The following ZNF26 variants were observed in gnomAD, a reference collection of about 807,000 sequenced individuals.
ZNF26 encodes the protein epididymis luminal protein 179.
A neutral mutation model predicts 54.9 loss-of-function variants in ZNF26; 32 were observed. The ratio of observed to expected loss-of-function variants is 0.58; its 90% CI spans 0.44 to 0.78. The LOEUF (loss-of-function observed/expected upper bound fraction) is 0.78. ZNF26 is among the 30% of genes least tolerant of loss of function. The probability of loss-of-function intolerance (pLI) is 0.00; values close to 1 mark genes in which losing one functional copy is unlikely to be tolerated. For synonymous variants in ZNF26, 221 were observed against 209.2 expected (o/e 1.06, Z -0.49); for missense variants, 524 against 634.0 (o/e 0.83, Z 1.86).
rs1358384888 is a variant in ZNF26, at chr12:133,018,941, T to G, written c.*7460T>G. ...GATTAAACTATCAAAAGACACAGAT[T>G]GTCAAAGTGGTGATAAAAAAAAATC... is the stretch of plus-strand genomic sequence containing the variant. On this transcript the variant is annotated 3_prime_UTR_variant, in exon 4 of 4. Transcript: ENST00000328654. 1 of 152,014 alleles carries G rather than the reference T, an allele frequency of 6.6e-6. No homozygotes were observed. The highest frequency in any genetic ancestry group is 1.5e-5 in the Non-Finnish European group (1 of 68,002). The allele number at this position is 152,014 out of a possible 1,614,324, so 9.4% of individuals were successfully genotyped here.
chr12:133,010,624 C>T lies in ZNF26; in HGVS notation c.745C>T (p.Gln249Ter). The T allele has an allele frequency of 1.2e-6, 2 of 1,614,190 alleles. No homozygotes were observed. The highest frequency in any genetic ancestry group is 1.7e-6 in the Non-Finnish European group (2 of 1,180,032). Reference protein sequence around the residue: ...FSFRSQLIVHQEIHTGGKPYG... With the variant: ...FSFRSQLIVH Reference sequence around the variant, plus strand: ...TTTCAGGTCACAGCTCATTGTCCATCAGGAAATTCACACAGGAGGGAAACC... The same window carrying T: ...TTTCAGGTCACAGCTCATTGTCCATTAGGAAATTCACACAGGAGGGAAACC... The change falls in exon 4 of 4, where the codon CAG (glutamine) becomes TAG (stop). Residue 249 changes from glutamine (Q) to a stop codon, truncating the protein, a stop_gained. Coordinates refer to ENST00000328654, the MANE Select transcript of ZNF26 (RefSeq NM_019591.4). LOFTEE classifies it high-confidence loss of function.
intron 3 of ZNF26, among the ~76,000 whole-genome samples, chr12:133,008,364 C>T (rs1953381143): frequency 1.3e-5 from 2 of 152,188 alleles, no homozygotes; most frequent in African/African-American, 4.8e-5. Flanking sequence ...GTTGACTCCT[C>T]CCCTTCTCTG....
Position 133,015,918 on chromosome 12 carries a change from GTGAC to G in ZNF26, c.*4439_*4442del, listed in dbSNP as rs1347619597. 3 of 152,072 alleles carry G rather than the reference GTGAC, an allele frequency of 2.0e-5. No individual in the cohort carries two copies. Among genetic ancestry groups the G allele is most frequent in the Admixed American group, 6.6e-5 (1 of 15,264 alleles). The allele number at this position is 152,072 out of a possible 1,614,324, so 9.4% of individuals were successfully genotyped here. On this transcript the variant is annotated 3_prime_UTR_variant, in exon 4 of 4. Coordinates refer to ENST00000328654, the MANE Select transcript of ZNF26 (RefSeq NM_019591.4). Reference sequence around the variant, plus strand: ...GCATGTTTATTGATGGAATGTTTGTGTGACTCTTTAATAGAAGTCTGAACTAGGT... The same window carrying G: ...GCATGTTTATTGATGGAATGTTTGTGTCTTTAATAGAAGTCTGAACTAGGT...
chr12:133,001,677 G>A lies in ZNF26; in HGVS notation c.34-5365G>A. On this transcript the variant is annotated intron_variant, in intron 1 of 3. Transcript: ENST00000328654. The surrounding 1 kb of genome is among the most constrained non-coding windows in gnomAD (Gnocchi z 4.7). ...GCCTGCTAATGAGCTCAAGTGTCAAGTTCGGGAATCTTCTGGGTGTTCCTT... is the reference window on the plus strand; with the variant it reads ...GCCTGCTAATGAGCTCAAGTGTCAAATTCGGGAATCTTCTGGGTGTTCCTT... 7.8e-7 allele frequency: 1 copy of A among 1,289,154 alleles called. No homozygotes were observed. The highest frequency in any genetic ancestry group is 2.3e-5 in the Admixed American group (1 of 43,548). The allele number at this position is 1,289,154 out of a possible 1,614,324, so 79.9% of individuals were successfully genotyped here. A position where few individuals can be genotyped will look rare whatever the true frequency, so the allele number is the denominator to read the frequency against.
intron 1 of ZNF26, among the ~76,000 whole-genome samples, chr12:132,987,080 C>T (rs1376359810): frequency 6.6e-6 from 1 of 152,158 alleles, no homozygotes; most frequent in Non-Finnish European, 1.5e-5. Context: ...TATTCTGTGA[C>T]GGGCAGTTAT....
chr12:132,995,395 T>G (rs1338324766), intron 1 of ZNF26: 36 of 151,254 alleles, frequency 2.4e-4, no homozygotes, highest in African/African-American at 8.5e-4. Context: ...TCTCCTTGTT[T>G]TTTTTTTTTT....
chr12:133,020,301 G>GAAAGCTA lies in ZNF26; in HGVS notation c.*8824_*8830dup, dbSNP rs1953622857. The GAAAGCTA allele has an allele frequency of 6.6e-6, 1 of 151,970 alleles. No individual in the cohort carries two copies. The highest frequency in any genetic ancestry group is 1.5e-5 in the Non-Finnish European group (1 of 68,020). 9.4% of individuals were successfully genotyped at this position (151,970 alleles called of 1,614,324 possible). On this transcript the variant is annotated 3_prime_UTR_variant, in exon 4 of 4. Transcript: ENST00000328654. ...ATATTGCATGTTCTCACTCATATTT[G>GAAAGCTA]AAAGCTAAAAAAGTAGACCTCATGA...
Position 133,016,386 on chromosome 12 carries a change from T to G in ZNF26, c.*4905T>G, listed in dbSNP as rs1452916543. The G allele has an allele frequency of 6.8e-6, 1 of 147,290 alleles. No individual in the cohort carries two copies. Among genetic ancestry groups the G allele is most frequent in the Non-Finnish European group, 1.5e-5 (1 of 67,444 alleles). The allele number at this position is 147,290 out of a possible 1,614,324, so 9.1% of individuals were successfully genotyped here. A position where few individuals can be genotyped will look rare whatever the true frequency, so the allele number is the denominator to read the frequency against. ...TCGTACCCGGCCAGAGCATCCTTAATTTTTAAAAACAATTTAGCTACTTTT... is the reference window on the plus strand; with the variant it reads ...TCGTACCCGGCCAGAGCATCCTTAAGTTTTAAAAACAATTTAGCTACTTTT... On this transcript the variant is annotated 3_prime_UTR_variant, in exon 4 of 4. Transcript: ENST00000328654.
chr12:132,999,030 A>G (rs1953152276), intron 1 of ZNF26, among the ~76,000 whole-genome samples: 1 of 152,162 alleles, frequency 6.6e-6, no homozygotes, highest in South Asian at 2.1e-4. Context: ...CAGTCTTCCA[A>G]ACAGGATGTC....
rs1953506452 is a variant in ZNF26, at chr12:133,012,609, T to TTTTTTG, written c.*1128_*1129insTTTTTG. 1 of 142,286 alleles carries TTTTTTG rather than the reference T, an allele frequency of 7.0e-6. No individual in the cohort carries two copies. The highest frequency in any genetic ancestry group is 1.5e-5 in the Non-Finnish European group (1 of 65,950). 8.8% of individuals were successfully genotyped at this position (142,286 alleles called of 1,614,324 possible). A position where few individuals can be genotyped will look rare whatever the true frequency, so the allele number is the denominator to read the frequency against. Reference sequence around the variant, plus strand: ...TTTTTTTTTTTTTTTTTTTTTTTTTTGAGACTAAGTTTCACTCTTGTCCTC... The same window carrying TTTTTTG: ...TTTTTTTTTTTTTTTTTTTTTTTTTTTTTTTGGAGACTAAGTTTCACTCTTGTCCTC... On this transcript the variant is annotated 3_prime_UTR_variant, in exon 4 of 4. Coordinates refer to ENST00000328654, the MANE Select transcript of ZNF26 (RefSeq NM_019591.4).
Position 133,001,831 on chromosome 12 carries a change from T to G in ZNF26, c.34-5211T>G, listed in dbSNP as rs904934319. 8.7e-5 allele frequency: 47 copies of G among 540,374 alleles called. No individual in the cohort carries two copies. Among genetic ancestry groups the G allele is most frequent in the Non-Finnish European group, 1.4e-4 (44 of 325,092 alleles). 33.5% of individuals were successfully genotyped at this position (540,374 alleles called of 1,614,324 possible). The stretch of plus-strand genomic sequence containing the variant: ...CCCGCGGCAGTCTTTGCCTTCAGAA[T>G]TTTTCAGAGGAAAGCAGTTATTCGA... On this transcript the variant is annotated intron_variant, in intron 1 of 3. Coordinates refer to ENST00000328654, the MANE Select transcript of ZNF26 (RefSeq NM_019591.4). The surrounding 1 kb of genome is among the most constrained non-coding windows in gnomAD (Gnocchi z 4.7).
In ZNF26 at chr12:133,007,003, G is replaced by A. The variant is rs1953346700; in HGVS notation, c.34-39G>A. 4 of 1,611,488 alleles carry A rather than the reference G, an allele frequency of 2.5e-6. No individual in the cohort carries two copies. In the Admixed American group the frequency reaches 5.0e-5, roughly 20 times the overall value. ...CTGCATCTTTTCCATGTCACCTAATGTAATTGCATCCAATTGAACAGGGTG... is the reference window on the plus strand; with the variant it reads ...CTGCATCTTTTCCATGTCACCTAATATAATTGCATCCAATTGAACAGGGTG... On this transcript the variant is annotated intron_variant, in intron 1 of 3. Transcript: ENST00000328654.
chr12:133,016,638 C>G lies in ZNF26; in HGVS notation c.*5157C>G, dbSNP rs781215461. The G allele has an allele frequency of 4.0e-5, 6 of 151,340 alleles. No homozygotes were observed. The highest frequency in any genetic ancestry group is 2.0e-4 in the Admixed American group (3 of 15,164). 9.4% of individuals were successfully genotyped at this position (151,340 alleles called of 1,614,324 possible). On this transcript the variant is annotated 3_prime_UTR_variant, in exon 4 of 4. Coordinates refer to ENST00000328654, the MANE Select transcript of ZNF26 (RefSeq NM_019591.4). ...CATCTCTGAAAAAAAAAAAATACCC[C>G]GGGATGGTGGCTTAGGGCTGTGGTC...
chr12:132,990,491 A>G (rs898601865), intron 1 of ZNF26, among the ~76,000 whole-genome samples: 9 of 152,086 alleles, frequency 5.9e-5, no homozygotes, highest in Admixed American at 1.3e-4. Context: ...TATTTATGAG[A>G]TAATTTTTCT....
Position 133,011,517 on chromosome 12 carries a change from C to G in ZNF26, c.*36C>G. The G allele has an allele frequency of 6.6e-7, 1 of 1,510,618 alleles. No individual in the cohort carries two copies. Among genetic ancestry groups the G allele is most frequent in the Non-Finnish European group, 8.8e-7 (1 of 1,132,882 alleles). The allele number at this position is 1,510,618 out of a possible 1,614,324, so 93.6% of individuals were successfully genotyped here. A position where few individuals can be genotyped will look rare whatever the true frequency, so the allele number is the denominator to read the frequency against. On this transcript the variant is annotated 3_prime_UTR_variant, in exon 4 of 4. Transcript: ENST00000328654. The stretch of plus-strand genomic sequence containing the variant: ...TGATGCAATGTGAGAAACTGATGTT[C>G]AGGAGACTTCGGATAATATAGACAG...
At chr12:132,994,613 T>G (rs1322714679) in intron 1 of ZNF26, among the ~76,000 whole-genome samples, 1 of 152,230 alleles carries the variant, frequency 6.6e-6, no homozygotes, top group Non-Finnish European at 1.5e-5. Context: ...TGTGTTGGCT[T>G]ATTTTTGTGA....
chr12:133,016,432 TTAAGAGCATCACAGTAAAA>T lies in ZNF26; in HGVS notation c.*4952_*4970del, dbSNP rs1593677136. Reference sequence around the variant, plus strand: ...CTTTTTTTTTTTTTTTTTAACTATTTTAAGAGCATCACAGTAAAAGGAAAATAACAGCTCACTTTGGGGC... The same window carrying T: ...CTTTTTTTTTTTTTTTTTAACTATTTGGAAAATAACAGCTCACTTTGGGGC... On this transcript the variant is annotated 3_prime_UTR_variant, in exon 4 of 4. Transcript: ENST00000328654. 1.3e-5 allele frequency: 2 copies of T among 150,656 alleles called. No homozygotes were observed. The highest frequency in any genetic ancestry group is 3.9e-4 in the East Asian group (2 of 5,182). 9.3% of individuals were successfully genotyped at this position (150,656 alleles called of 1,614,324 possible).
At position 133,018,297 on chromosome 12, in the gene ZNF26, T is replaced by C. The variant is rs1467406784; in HGVS notation, c.*6816T>C. The C allele has an allele frequency of 1.3e-5, 2 of 152,202 alleles. No homozygotes were observed. Among genetic ancestry groups the C allele is most frequent in the African/African-American group, 4.8e-5 (2 of 41,464 alleles). The allele number at this position is 152,202 out of a possible 1,614,324, so 9.4% of individuals were successfully genotyped here. ...TATAAAATATATAAAGCAATATTTATAGCAATGTGTTGTTGCATTTGTAAC... is the reference window on the plus strand; with the variant it reads ...TATAAAATATATAAAGCAATATTTACAGCAATGTGTTGTTGCATTTGTAAC... On this transcript the variant is annotated 3_prime_UTR_variant, in exon 4 of 4. Transcript: ENST00000328654.
Position 133,010,602 on chromosome 12 carries a change from C to G in ZNF26, c.723C>G (p.Phe241Leu). 1.2e-6 allele frequency: 2 copies of G among 1,614,024 alleles called. No individual in the cohort carries two copies. Among genetic ancestry groups the G allele is most frequent in the Non-Finnish European group, 1.7e-6 (2 of 1,180,014 alleles). Residue 241 changes from phenylalanine to leucine, a missense_variant, in exon 4 of 4, where the codon TTC becomes TTG. By Grantham distance (22) the Phe-to-Leu change is conservative. Transcript: ENST00000328654. Reference sequence around the variant, plus strand: ...GTGAGTGCGAGAAGGTCTTCTCTTTCAGGTCACAGCTCATTGTCCATCAGG... The same window carrying G: ...GTGAGTGCGAGAAGGTCTTCTCTTTGAGGTCACAGCTCATTGTCCATCAGG... Reference protein sequence around the residue: ...SCSECEKVFSFRSQLIVHQEI... With the variant: ...SCSECEKVFSLRSQLIVHQEI...
Sources: gnomAD v4.1 joint callset for allele counts (sites outside exome capture counted in the v4.1 genomes callset) on GRCh38, gnomAD v4.1.1 for gene constraint, Gnocchi (gnomAD v3.1) non-coding constraint, MANE v1.5 for transcripts, NCBI Gene and HGNC (gene_info 2026-07-23, HGNC 2026-07-21) for gene names.